Variants in TTLL6 observed in about 807,000 individuals in gnomAD.
TTLL6 encodes the protein tubulin polyglutamylase TTLL6.
Under a neutral mutation model 96.4 loss-of-function variants are expected in TTLL6, and 75 were observed. That is an observed-to-expected ratio of 0.78 (90% confidence interval 0.65 to 0.94). The LOEUF is 0.94. Among genes scored for constraint, TTLL6 ranks in the 40% least tolerant of loss-of-function variants. The pLI is 0.00. For synonymous variants in TTLL6, 411 were observed against 419.4 expected (o/e 0.98, Z 0.24); for missense variants, 1,030 against 1,093.0 (o/e 0.94, Z 0.81).
intron 10 of TTLL6, among the ~76,000 whole-genome samples, chr17:48,789,403 C>A (rs1270087794): frequency 2.0e-5 from 3 of 152,168 alleles, no homozygotes; most frequent in Admixed American, 6.5e-5. Context: ...CTATGCTAAG[C>A]CTTTTATATG....
chr17:48,813,806 A>G (rs117231541), intron 1 of TTLL6, among the ~76,000 whole-genome samples: 2,993 of 152,222 alleles, frequency 0.02, 38 homozygotes, highest in Middle Eastern at 0.034. Context: ...CTAAGCTTCT[A>G]TGGAATTCCT....
At position 48,810,351 on chromosome 17, in the gene TTLL6, A is replaced by C. The variant is rs1199411652; in HGVS notation, c.104-5360T>G. On this transcript the variant is annotated intron_variant, in intron 1 of 15. Coordinates refer to ENST00000393382, the MANE Select transcript of TTLL6 (RefSeq NM_001130918.3). Reference sequence around the variant, plus strand: ...CTTGGATGGTACCCGAGACAGGTGCAAGATGGCAAATGGTACTTGCCATGT... The same window carrying C: ...CTTGGATGGTACCCGAGACAGGTGCCAGATGGCAAATGGTACTTGCCATGT... Among the ~76,000 whole-genome samples the C allele has an allele frequency of 2.0e-5, 3 of 152,122 alleles. No individual in the cohort carries two copies. The East Asian group carries it at 5.8e-4, about 29-fold the overall frequency.
chr17:48,784,213 C>A (rs533284200), intron 13 of TTLL6, among the ~76,000 whole-genome samples: 1 of 152,212 alleles, frequency 6.6e-6, no homozygotes, highest in East Asian at 1.9e-4. Context: ...TCAAGACCAG[C>A]CTGGGCAACA....
chr17:48,766,040 G>A (rs1484175200), intron 15 of TTLL6, among the ~76,000 whole-genome samples: 1 of 152,152 alleles, frequency 6.6e-6, no homozygotes, highest in African/African-American at 2.4e-5. Context: ...GAGCTTCTTG[G>A]GGAATCTAGC....
In TTLL6 at chr17:48,789,993, TTTC is replaced by T. The variant is rs1190418550; in HGVS notation, c.1335_1337del (p.Lys446del). On this transcript the variant is annotated inframe_deletion, in exon 10 of 16. Coordinates refer to ENST00000393382, the MANE Select transcript of TTLL6 (RefSeq NM_001130918.3). ...CCCGTTGTCTCTCCTCCTCCAAGAC[TTTC>T]TTCTTGTCACAGCTTTCCAGGTTGA... 11 of 1,614,210 alleles carry T rather than the reference TTTC, an allele frequency of 6.8e-6. No individual in the cohort carries two copies. The highest frequency in any genetic ancestry group is 5.0e-5 in the Admixed American group (3 of 60,020).
intron 7 of TTLL6, 137 bp from the exon 8 acceptor site, chr17:48,796,283 A>G: frequency 1.6e-6 from 1 of 614,718 alleles, no homozygotes; most frequent in Non-Finnish European, 2.8e-6. Context: ...TAGTGTGGCA[A>G]AATACAGGAA....
chr17:48,765,970 A>G (rs1188023607), intron 15 of TTLL6: 1 of 152,220 alleles, frequency 6.6e-6, no homozygotes, highest in Non-Finnish European at 1.5e-5. Flanking sequence ...AGGAACTACT[A>G]AACTTATTTT....
intron 1 of TTLL6, chr17:48,812,044 C>T (rs973419776): frequency 2.0e-5 from 3 of 148,104 alleles, no homozygotes; most frequent in African/African-American, 7.5e-5. Flanking sequence ...AGAATTAAAT[C>T]TGACCCAGGT....
At chr17:48,812,076 A>G (rs867219428) in intron 1 of TTLL6, 2 of 22,660 alleles carry the variant, frequency 8.8e-5, no homozygotes, top group South Asian at 2.4e-3. Context: ...CCCCCCCCCC[A>G]CCCCCCGCTC....
At chr17:48,807,283 G>A (rs143882480) in intron 1 of TTLL6, among the ~76,000 whole-genome samples, 2 of 150,538 alleles carry the variant, frequency 1.3e-5, no homozygotes, top group African/African-American at 2.4e-5. Context: ...AGAGATGGGG[G>A]TTTCTCCATG....
At chr17:48,782,081 G>A (rs1416910282) in intron 13 of TTLL6, among the ~76,000 whole-genome samples, 1 of 149,908 alleles carries the variant, frequency 6.7e-6, no homozygotes, top group Non-Finnish European at 1.5e-5. Flanking sequence ...CACGTGGTTT[G>A]TAAATATATA....
At position 48,785,073 on chromosome 17, in the gene TTLL6, G is replaced by C; in HGVS notation, c.1890C>G (p.Phe630Leu). ...EAPTEEASSV[F>L]PKLTSAKPFS... ...AGGGCTTCGCAGACGTCAGCTTGGG[G>C]AAAACAGAGCTGGCCTCCTCCGTGG... Residue 630 changes from phenylalanine to leucine, a missense_variant, in exon 13 of 16, where the codon TTC becomes TTG. Phe to Leu is a conservative substitution (Grantham distance 22). Coordinates refer to ENST00000393382, the MANE Select transcript of TTLL6 (RefSeq NM_001130918.3). 1 of 1,614,122 alleles carries C rather than the reference G, an allele frequency of 6.2e-7. No homozygotes were observed. The highest frequency in any genetic ancestry group is 8.5e-7 in the Non-Finnish European group (1 of 1,179,994).
Position 48,770,040 on chromosome 17 carries a change from T to C in TTLL6, c.2098A>G (p.Lys700Glu), listed in dbSNP as rs575831083. Residue 700 changes from lysine to glutamate, a missense_variant, in exon 14 of 16, where the codon AAG becomes GAG. Lys to Glu is a moderately conservative substitution (Grantham distance 56). Transcript: ENST00000393382. ...ESTTQLSISPKSPPTLAVTAS... is the reference protein window; with the variant it reads ...ESTTQLSISPESPPTLAVTAS... ...GTCACAGCCAGGGTTGGCGGAGACT[T>C]TGGGGAGATTGAGAGTTGGGTGGTG... 2.0e-5 allele frequency: 33 copies of C among 1,613,988 alleles called. No individual in the cohort carries two copies. The South Asian group carries it at 3.4e-4, about 17-fold the overall frequency.
At chr17:48,768,686 A>C (rs2038666627) in intron 15 of TTLL6, among the ~76,000 whole-genome samples, 1 of 151,900 alleles carries the variant, frequency 6.6e-6, no homozygotes, top group Non-Finnish European at 1.5e-5. Flanking sequence ...GACCACAGGC[A>C]TGTGCCACCA....
At chr17:48,786,536 C>T (rs7209108) in intron 11 of TTLL6, among the ~76,000 whole-genome samples, 30,774 of 152,166 alleles carry the variant, frequency 0.2, 3,894 homozygotes, top group Admixed American at 0.35. Context: ...CCATACCATC[C>T]CCTGTGTGGG....
chr17:48,815,101 C>T (rs906057412), intron 1 of TTLL6, among the ~76,000 whole-genome samples: 14 of 152,168 alleles, frequency 9.2e-5, no homozygotes, highest in Non-Finnish European at 2.1e-4. Flanking sequence ...TTTTGCAAAA[C>T]TGAATGAACA....
At chr17:48,812,677 G>C (rs2039613077) in intron 1 of TTLL6, among the ~76,000 whole-genome samples, 1 of 152,210 alleles carries the variant, frequency 6.6e-6, no homozygotes, top group South Asian at 2.1e-4. Context: ...TGATGGAAGA[G>C]GCTGTGTCTC....
Position 48,769,806 on chromosome 17 carries a change from T to G in TTLL6, c.2332A>C (p.Thr778Pro). ...AGCTTCCCACTCAGTTGAAGCTTGG[T>G]GAGTAGCTCGGATATCAAATGTGGC... is the stretch of plus-strand genomic sequence containing the variant. Reference protein sequence around the residue: ...NKPHLISELLTKLQLSGKLSF... With the variant: ...NKPHLISELLPKLQLSGKLSF... The change falls in exon 14 of 16, where the codon ACC (threonine) becomes CCC (proline). Residue 778 changes from threonine to proline, a missense_variant. By Grantham distance (38) the Thr-to-Pro change is conservative. Transcript: ENST00000393382. 6.2e-7 allele frequency: 1 copy of G among 1,614,254 alleles called. No individual in the cohort carries two copies. The highest frequency in any genetic ancestry group is 8.5e-7 in the Non-Finnish European group (1 of 1,180,050).
intron 5 of TTLL6, among the ~76,000 whole-genome samples, 185 bp downstream of exon 5, chr17:48,801,070 T>G (rs556292026): frequency 6.6e-6 from 1 of 152,310 alleles, no homozygotes; most frequent in East Asian, 1.9e-4. Flanking sequence ...TCATCTAATT[T>G]TACAGGCAGA....
Sources: gnomAD v4.1 joint callset for allele counts (sites outside exome capture counted in the v4.1 genomes callset) on GRCh38, gnomAD v4.1.1 for gene constraint, MANE v1.5 for transcripts, NCBI Gene and HGNC (gene_info 2026-07-23, HGNC 2026-07-21) for gene names.